The following PLCL2 variants were observed in gnomAD, a reference collection of about 807,000 sequenced individuals.
The protein encoded by PLCL2 is phospholipase C like 2.
PLCL2 carries 4 observed loss-of-function variants against 79.6 expected under a neutral mutation model. The observed-to-expected ratio is 0.05, with a 90% confidence interval of 0.02 to 0.11. The LOEUF (loss-of-function observed/expected upper bound fraction) is 0.11. Ranked by LOEUF, PLCL2 falls within the 10% of genes least tolerant of loss-of-function variation. PLCL2 has a pLI of 1.00. For missense variants in PLCL2, 895 were observed against 1,291.0 expected, an observed-to-expected ratio of 0.69 and a Z score of 4.70; for synonymous variants, 484 against 457.7, an observed-to-expected ratio of 1.06 and a Z score of -0.73.
At chr3:16,986,822 T>A (rs1575572287) in intron 1 of PLCL2, among the ~76,000 whole-genome samples, 1 of 152,084 alleles carries the variant, frequency 6.6e-6, no homozygotes, top group East Asian at 1.9e-4. Flanking sequence ...TAGAGAAACG[T>A]AGGATGGGGA....
At chr3:17,059,968 T>C (rs576359122) in intron 4 of PLCL2, among the ~76,000 whole-genome samples, 2 of 152,216 alleles carry the variant, frequency 1.3e-5, no homozygotes, top group Admixed American at 6.5e-5. Context: ...AAAGTATCGA[T>C]GTGAAAGTGG....
intron 1 of PLCL2, among the ~76,000 whole-genome samples, chr3:16,942,822 C>T (rs2063564155): frequency 6.6e-6 from 1 of 152,198 alleles, no homozygotes; most frequent in Non-Finnish European, 1.5e-5. Flanking sequence ...ATGACTTCCA[C>T]TTAATTTGGG....
At chr3:16,906,463 G>A (rs2124924944) in intron 1 of PLCL2, among the ~76,000 whole-genome samples, 1 of 152,148 alleles carries the variant, frequency 6.6e-6, no homozygotes, top group African/African-American at 2.4e-5. Flanking sequence ...TTTTGATATA[G>A]ATTTCTTGTA....
At chr3:16,912,041 A>G (rs1575525101) in intron 1 of PLCL2, among the ~76,000 whole-genome samples, 1 of 152,324 alleles carries the variant, frequency 6.6e-6, no homozygotes, top group East Asian at 1.9e-4. Flanking sequence ...GGTATATGCA[A>G]ATATTCCAAA....
At chr3:16,967,093 T>C (rs2063815456) in intron 1 of PLCL2, among the ~76,000 whole-genome samples, 1 of 152,144 alleles carries the variant, frequency 6.6e-6, no homozygotes, top group South Asian at 2.1e-4. Context: ...GCAAATGACA[T>C]GATCTTGTTC....
chr3:16,918,397 C>T lies in PLCL2; in HGVS notation c.327+33031C>T, dbSNP rs543643179. On this transcript the variant is annotated intron_variant, in intron 1 of 5. Coordinates refer to ENST00000615277, the MANE Select transcript of PLCL2 (RefSeq NM_001144382.2). ...TTCAATTTGTGTCTCAGTGATAAAG[C>T]GATTTCCTCCTTTTCTCCTATTTAT... Among the ~76,000 whole-genome samples, 21 of 152,144 alleles carry T rather than the reference C, an allele frequency of 1.4e-4. 1 individual carries two copies. In the South Asian group the frequency reaches 2.7e-3, roughly 20 times the overall value.
Position 16,896,067 on chromosome 3 carries a change from G to A in PLCL2, c.327+10701G>A, listed in dbSNP as rs74782512. Among the ~76,000 whole-genome samples the A allele has an allele frequency of 9.8e-3, 1,499 of 152,220 alleles. 30 individuals are homozygous for A. Among genetic ancestry groups the A allele is most frequent in the African/African-American group, 0.035 (1,433 of 41,522 alleles). On this transcript the variant is annotated intron_variant, in intron 1 of 5. Transcript: ENST00000615277. ...AAAATCCATTAGGTTTTACACTTAGGATTTTTTTTCTGGAAGTCTATCATA... is the reference window on the plus strand; with the variant it reads ...AAAATCCATTAGGTTTTACACTTAGAATTTTTTTTCTGGAAGTCTATCATA...
intron 1 of PLCL2, among the ~76,000 whole-genome samples, chr3:16,940,148 A>T (rs1471783839): frequency 6.6e-6 from 1 of 152,020 alleles, no homozygotes; most frequent in African/African-American, 2.4e-5. Flanking sequence ...CCTCGTCCAG[A>T]TGTCCCTCCC....
intron 1 of PLCL2, among the ~76,000 whole-genome samples, chr3:16,920,581 A>G (rs933366119): frequency 6.6e-6 from 1 of 152,178 alleles, no homozygotes; most frequent in African/African-American, 2.4e-5. Flanking sequence ...GAGCCCTGTG[A>G]GTGGCTATTA....
chr3:16,990,367 T>C (rs2064092954), intron 1 of PLCL2, among the ~76,000 whole-genome samples: 1 of 152,216 alleles, frequency 6.6e-6, no homozygotes. Context: ...AAGGGCTGCC[T>C]GAGTTCATGC....
At chr3:17,063,738 C>G (rs868529675) in intron 4 of PLCL2, among the ~76,000 whole-genome samples, 5 of 152,320 alleles carry the variant, frequency 3.3e-5, no homozygotes, top group Admixed American at 6.5e-5. Flanking sequence ...TTTGCCTGTT[C>G]AACTGCAGTC....
At chr3:17,081,245 G>A (rs1452140581) in intron 5 of PLCL2, 2 of 456,598 alleles carry the variant, frequency 4.4e-6, no homozygotes, top group African/African-American at 2.0e-5. Context: ...AATGGTATGA[G>A]TACCCTCCTC....
intron 1 of PLCL2, among the ~76,000 whole-genome samples, chr3:16,921,765 A>G (rs765533045): frequency 6.6e-6 from 1 of 152,170 alleles, no homozygotes; most frequent in Non-Finnish European, 1.5e-5. Context: ...CATGATCTTT[A>G]TAACCACCAC....
chr3:16,900,577 AAATGCAAAAAACTT>A (rs774529481), intron 1 of PLCL2, among the ~76,000 whole-genome samples: 8 of 152,234 alleles, frequency 5.3e-5, no homozygotes, highest in Non-Finnish European at 1.5e-5. Context: ...GATGTTATAA[AAATGCAAAAAACTT>A]CATAACCAAA....
chr3:16,987,484 A>G (rs560865426), intron 1 of PLCL2, among the ~76,000 whole-genome samples: 1 of 152,294 alleles, frequency 6.6e-6, no homozygotes, highest in East Asian at 1.9e-4. Context: ...TGTCAGCAGT[A>G]TGAAATTTAT....
At chr3:17,086,077 A>T (rs6442667) in intron 5 of PLCL2, among the ~76,000 whole-genome samples, 85,063 of 152,062 alleles carry the variant, frequency 0.56, 24,553 homozygotes, top group African/African-American at 0.7. Flanking sequence ...ATTTTGTGGA[A>T]ATTGACAAAC....
intron 5 of PLCL2, among the ~76,000 whole-genome samples, chr3:17,074,115 C>T (rs1415397535): frequency 3.3e-5 from 5 of 152,230 alleles, no homozygotes; most frequent in Admixed American, 3.3e-4. Context: ...CTATCTATGG[C>T]AGCTATAGCC....
At chr3:17,050,775 T>C (rs187912502) in intron 4 of PLCL2, among the ~76,000 whole-genome samples, 157 of 152,286 alleles carry the variant, frequency 1.0e-3, no homozygotes, top group Non-Finnish European at 1.6e-3. Flanking sequence ...TACCATATGA[T>C]CGAGCAATCC....
chr3:17,082,317 T>G (rs1575622097), intron 5 of PLCL2, among the ~76,000 whole-genome samples: 1 of 151,996 alleles, frequency 6.6e-6, no homozygotes, highest in East Asian at 1.9e-4. Flanking sequence ...TAATTTTTTT[T>G]TTTTGTATTT....
Sources: allele counts gnomAD v4.1 joint callset (sites outside exome capture counted in the v4.1 genomes callset), GRCh38; gene constraint gnomAD v4.1.1; transcripts MANE v1.5; gene names NCBI Gene and HGNC (gene_info 2026-07-23, HGNC 2026-07-21).